The following STARD13 variants were observed in gnomAD, a reference collection of about 807,000 sequenced individuals.
STARD13 encodes the protein StAR related lipid transfer domain containing 13, also known as stAR-related lipid transfer protein 13.
Under a neutral mutation model 106.4 loss-of-function variants are expected in STARD13, and 62 were observed. That is an observed-to-expected ratio of 0.58 (90% CI 0.48 to 0.72). The LOEUF is 0.72. Ranked by LOEUF, STARD13 falls within the 30% of genes least tolerant of loss-of-function variation. The probability of loss-of-function intolerance (pLI) is 0.00; values close to 1 mark genes in which losing one functional copy is unlikely to be tolerated. For synonymous variants in STARD13, 565 were observed against 553.0 expected, an observed-to-expected ratio of 1.02 and a Z score of -0.31; for missense variants, 1,387 against 1,424.0, an observed-to-expected ratio of 0.97 and a Z score of 0.42.
intron 4 of STARD13, among the ~76,000 whole-genome samples, chr13:33,135,913 A>G (rs1021704130): frequency 6.6e-5 from 10 of 152,184 alleles, no homozygotes; most frequent in Admixed American, 3.3e-4. Flanking sequence ...ACCTGAGATC[A>G]GAAGTTTGAG....
chr13:33,605,379 A>T, the STARD13 span, among the ~76,000 whole-genome samples: 1 of 151,276 alleles, frequency 6.6e-6, no homozygotes, highest in Non-Finnish European at 1.5e-5. Context: ...CACCACATCC[A>T]GTCTTGTTTT....
intron 4 of STARD13, chr13:33,138,736 G>A (rs930693822): frequency 2.5e-6 from 1 of 396,248 alleles, no homozygotes; most frequent in Admixed American, 2.8e-5. Flanking sequence ...CCTGTCTCCT[G>A]AAATGCTCTT....
the STARD13 span, among the ~76,000 whole-genome samples, chr13:33,504,498 C>A: frequency 6.6e-6 from 1 of 151,300 alleles, no homozygotes; most frequent in Non-Finnish European, 1.5e-5. Flanking sequence ...AGCAAACTAT[C>A]GCAAGGCCAG....
chr13:33,133,518 G>A (rs1453011998), intron 4 of STARD13, among the ~76,000 whole-genome samples: 2 of 152,184 alleles, frequency 1.3e-5, no homozygotes, highest in African/African-American at 4.8e-5. Flanking sequence ...ATCATGGTAT[G>A]TTCCAAAGGG....
At chr13:33,162,668 A>G (rs1882770049) in intron 3 of STARD13, among the ~76,000 whole-genome samples, 1 of 152,172 alleles carries the variant, frequency 6.6e-6, no homozygotes, top group African/African-American at 2.4e-5. Context: ...ACATAACAAG[A>G]GTCACCTTTG....
chr13:33,206,175 C>G (rs908364700), intron 1 of STARD13: 4 of 216,002 alleles, frequency 1.9e-5, no homozygotes, highest in African/African-American at 9.4e-5. Context: ...GGAAACGCTG[C>G]CAGTCTATCA....
intron 1 of STARD13, among the ~76,000 whole-genome samples, chr13:33,190,334 T>C (rs1594079274): frequency 1.3e-5 from 2 of 152,016 alleles, no homozygotes; most frequent in African/African-American, 4.8e-5. Context: ...AGTGGGAGGA[T>C]TGTTTGAGCC....
intron 3 of STARD13, among the ~76,000 whole-genome samples, chr13:33,159,985 T>C (rs2138329200): frequency 6.6e-6 from 1 of 152,274 alleles, no homozygotes; most frequent in Non-Finnish European, 1.5e-5. Context: ...ATAAACTGTT[T>C]GTAAAATGTA....
chr13:33,125,989 A>T, intron 7 of STARD13, 92 bp downstream of exon 7: 1 of 1,425,366 alleles, frequency 7.0e-7, no homozygotes, highest in Non-Finnish European at 9.7e-7. Flanking sequence ...GTCTTGCCTG[A>T]TATTGGGCAG....
upstream of STARD13, among the ~76,000 whole-genome samples, chr13:33,286,900 A>ATG (rs1433086859): frequency 2.0e-5 from 3 of 152,114 alleles, no homozygotes; most frequent in East Asian, 3.9e-4. Context: ...ATGTGTATAT[A>ATG]TGTGTGTATA....
upstream of STARD13, among the ~76,000 whole-genome samples, chr13:33,287,328 CAAGTT>C (rs1336131782): frequency 1.3e-5 from 2 of 152,128 alleles, no homozygotes; most frequent in Non-Finnish European, 2.9e-5. Context: ...TGAGAATAAA[CAAGTT>C]AAGCACGATC....
chr13:33,460,995 A>G, the STARD13 span, among the ~76,000 whole-genome samples: 1 of 152,260 alleles, frequency 6.6e-6, no homozygotes, highest in Non-Finnish European at 1.5e-5. Flanking sequence ...AAAAGAGCAC[A>G]TACTGTTTAA....
chr13:33,522,442 T>C, the STARD13 span, among the ~76,000 whole-genome samples: 2 of 152,116 alleles, frequency 1.3e-5, no homozygotes, highest in Non-Finnish European at 2.9e-5. Flanking sequence ...TATTCTATTG[T>C]ATATTCATTT....
At chr13:33,661,263 T>G in the STARD13 span, 3 of 152,206 alleles carry the variant, frequency 2.0e-5, no homozygotes, top group African/African-American at 7.2e-5. Context: ...GGACAAGAGA[T>G]AATGAGGACT....
At chr13:33,212,325 G>A (rs952689492) in intron 1 of STARD13, among the ~76,000 whole-genome samples, 1 of 152,186 alleles carries the variant, frequency 6.6e-6, no homozygotes, top group Admixed American at 6.5e-5. Context: ...GTGACCAACT[G>A]TTCCTTTAGC....
At chr13:33,432,848 A>T in the STARD13 span, among the ~76,000 whole-genome samples, 1 of 152,190 alleles carries the variant, frequency 6.6e-6, no homozygotes. Flanking sequence ...TAATCTCAAA[A>T]TGATTTAGAA....
At position 33,194,326 on chromosome 13, in the gene STARD13, AGGAGAGATG is replaced by A. The variant is rs1312196878; in HGVS notation, c.170-26713_170-26705del. Among the ~76,000 whole-genome samples the A allele has an allele frequency of 2.0e-5, 3 of 152,334 alleles. No individual in the cohort carries two copies. In the South Asian group the frequency reaches 6.2e-4, roughly 32 times the overall value. On this transcript the variant is annotated intron_variant, in intron 1 of 13. Transcript: ENST00000336934. ...TGAATTTTGGTAAATAATTTAAGTA[AGGAGAGATG>A]GTTAATATTCATTATGGAAACATTC...
chr13:33,112,629 A>G lies in STARD13; in HGVS notation c.2492+92T>C, dbSNP rs1389905804. 4.9e-6 allele frequency: 5 copies of G among 1,025,448 alleles called. No individual in the cohort carries two copies. The African/African-American group carries it at 8.0e-5, about 16-fold the overall frequency. The allele number at this position is 1,025,448 out of a possible 1,614,324, so 63.5% of individuals were successfully genotyped here. On this transcript the variant is annotated intron_variant, in intron 9 of 13. Coordinates refer to ENST00000336934, the MANE Select transcript of STARD13 (RefSeq NM_178006.4). Reference sequence around the variant, plus strand: ...TCTGTCTACCAATATATCCATTCGTATCTATCTATCCATCCATCCATCCAT... The same window carrying G: ...TCTGTCTACCAATATATCCATTCGTGTCTATCTATCCATCCATCCATCCAT...
the STARD13 span, among the ~76,000 whole-genome samples, chr13:33,624,055 G>C: frequency 6.6e-6 from 1 of 152,210 alleles, no homozygotes; most frequent in African/African-American, 2.4e-5. Flanking sequence ...AAGTTTGGCA[G>C]TGTTTTTGTA....
Sources: allele counts gnomAD v4.1 joint callset (sites outside exome capture counted in the v4.1 genomes callset), GRCh38; gene constraint gnomAD v4.1.1; transcripts MANE v1.5; gene names NCBI Gene and HGNC (gene_info 2026-07-23, HGNC 2026-07-21).